TAFA5: variants seen among roughly 807,000 people sequenced by gnomAD.
The protein encoded by TAFA5 is chemokine-like protein TAFA-5.
Under a neutral mutation model 15.3 loss-of-function variants are expected in TAFA5, and 6 were observed. The ratio of observed to expected loss-of-function variants is 0.39; its 90% CI spans 0.21 to 0.77. The LOEUF is 0.77. Ranked by LOEUF, TAFA5 falls within the 30% of genes least tolerant of loss-of-function variation. The pLI is 0.41. For synonymous variants in TAFA5, 103 were observed against 80.7 expected, an observed-to-expected ratio of 1.28 and a Z score of -1.48; for missense variants, 161 against 193.1, an observed-to-expected ratio of 0.83 and a Z score of 0.98.
intron 1 of TAFA5, among the ~76,000 whole-genome samples, chr22:48,505,431 T>C (rs1239223003): frequency 6.6e-6 from 1 of 152,200 alleles, no homozygotes; most frequent in South Asian, 2.1e-4. Context: ...CAGAAGAAGA[T>C]ACAGAGGGTC....
At chr22:48,720,230 G>C (rs1326837210) in intron 3 of TAFA5, among the ~76,000 whole-genome samples, 1 of 152,072 alleles carries the variant, frequency 6.6e-6, no homozygotes, top group East Asian at 1.9e-4. Context: ...TGAGGATCAG[G>C]CTTAGGGTTT....
chr22:48,653,652 G>A (rs918487147), intron 2 of TAFA5, among the ~76,000 whole-genome samples: 4 of 152,200 alleles, frequency 2.6e-5, no homozygotes, highest in African/African-American at 7.2e-5. Flanking sequence ...CCAGATCTCG[G>A]TGCGTTTAAT....
chr22:48,678,742 G>A (rs1029132941), intron 2 of TAFA5, among the ~76,000 whole-genome samples: 5 of 147,404 alleles, frequency 3.4e-5, no homozygotes, highest in Non-Finnish European at 7.4e-5. Context: ...CTTCTAAAAA[G>A]AAAACGGAAA....
intron 3 of TAFA5, among the ~76,000 whole-genome samples, chr22:48,737,825 C>T (rs991824291): frequency 4.6e-5 from 7 of 152,266 alleles, no homozygotes; most frequent in Non-Finnish European, 8.8e-5. Context: ...CCAGGGAGGG[C>T]GGCTTCCACC....
intron 1 of TAFA5, among the ~76,000 whole-genome samples, chr22:48,507,656 G>A (rs535209040): frequency 7.2e-5 from 11 of 152,292 alleles, no homozygotes; most frequent in East Asian, 3.9e-4. Flanking sequence ...CAGGATGTGC[G>A]CTTGGCCTGC....
At chr22:48,621,611 G>T (rs967977267) in intron 1 of TAFA5, among the ~76,000 whole-genome samples, 2 of 152,216 alleles carry the variant, frequency 1.3e-5, no homozygotes, top group African/African-American at 4.8e-5. Context: ...GCAGGGAAGA[G>T]CAGCTCCACT....
chr22:48,748,873 C>T (rs754874992), intron 3 of TAFA5, among the ~76,000 whole-genome samples: 3 of 152,132 alleles, frequency 2.0e-5, no homozygotes, highest in Non-Finnish European at 4.4e-5. Flanking sequence ...CCTGGAGGTG[C>T]CCGCCCAGGA....
chr22:48,639,383 C>G (rs766624166), intron 1 of TAFA5, among the ~76,000 whole-genome samples: 33 of 152,364 alleles, frequency 2.2e-4, no homozygotes, highest in Admixed American at 1.2e-3. Context: ...CTGTGCCTGT[C>G]AAAGTCATTT....
chr22:48,532,316 C>G (rs141941404), intron 1 of TAFA5, among the ~76,000 whole-genome samples: 12 of 152,178 alleles, frequency 7.9e-5, no homozygotes, highest in Non-Finnish European at 1.8e-4. Flanking sequence ...TTATTTACTC[C>G]GCACCTTTTC....
chr22:48,511,914 C>T (rs917025109), intron 1 of TAFA5, among the ~76,000 whole-genome samples: 6 of 152,208 alleles, frequency 3.9e-5, no homozygotes, highest in African/African-American at 1.4e-4. Context: ...AGATGCGGAA[C>T]GGGGCTTGCT....
intron 2 of TAFA5, among the ~76,000 whole-genome samples, chr22:48,647,754 G>T (rs1332424141): frequency 2.0e-5 from 3 of 152,150 alleles, no homozygotes; most frequent in African/African-American, 7.2e-5. Flanking sequence ...AGGCAGCCTT[G>T]GGGTGAAGGA....
chr22:48,633,607 A>G (rs1055948283), intron 1 of TAFA5, among the ~76,000 whole-genome samples: 4 of 146,224 alleles, frequency 2.7e-5, no homozygotes, highest in African/African-American at 7.6e-5. Context: ...CTCTCTCTGC[A>G]TCTTTCTTGG....
chr22:48,689,851 G>A (rs1423955945), intron 2 of TAFA5, among the ~76,000 whole-genome samples: 4 of 152,188 alleles, frequency 2.6e-5, no homozygotes, highest in South Asian at 4.1e-4. Flanking sequence ...CCCGGTTGGT[G>A]TAAGTGTCTC....
At chr22:48,584,417 C>T (rs971716007) in intron 1 of TAFA5, among the ~76,000 whole-genome samples, 3 of 149,554 alleles carry the variant, frequency 2.0e-5, no homozygotes, top group African/African-American at 7.4e-5. Flanking sequence ...ATACACATGG[C>T]ACACAAAATA....
chr22:48,646,804 G>T, intron 2 of TAFA5, 58 bp downstream of exon 2: 1 of 1,514,170 alleles, frequency 6.6e-7, no homozygotes, highest in Non-Finnish European at 8.8e-7. Flanking sequence ...CACCAAAGGT[G>T]CCTCTTCCCT....
rs894035578 is a variant in TAFA5 at position 48,675,027 on chromosome 22, C to T, written c.262+28281C>T. ...CGCGATCTCGGCTCACTGCACCCTC[C>T]GCCTCCTGGGTTCAAGAGATTCTCC... On this transcript the variant is annotated intron_variant, in intron 2 of 3. Transcript: ENST00000402357. Among the ~76,000 whole-genome samples, 87 of 151,918 alleles carry T rather than the reference C, an allele frequency of 5.7e-4. 1 individual carries two copies. Among genetic ancestry groups the T allele is most frequent in the Admixed American group, 3.9e-4 (6 of 15,256 alleles).
intron 1 of TAFA5, among the ~76,000 whole-genome samples, chr22:48,625,255 A>T (rs550995296): frequency 6.6e-6 from 1 of 152,324 alleles, no homozygotes; most frequent in Non-Finnish European, 1.5e-5. Flanking sequence ...TGTATGACCC[A>T]CCAGTCTATT....
At position 48,560,574 on chromosome 22, in the gene TAFA5, TTATTATTATTATTATTA is replaced by T. The variant is rs1012667835; in HGVS notation, c.112+70885_112+70901del. ...CCATGAAAAACGTTGTATTTTATTATTATTATTATTATTATTATATTATTATTATTAATTATTTATTT... is the reference window on the plus strand; with the variant it reads ...CCATGAAAAACGTTGTATTTTATTATTATTATTATTATTAATTATTTATTT... On this transcript the variant is annotated intron_variant, in intron 1 of 3. Coordinates refer to ENST00000402357, the MANE Select transcript of TAFA5 (RefSeq NM_001082967.3). The surrounding 1 kb of genome is among the most constrained non-coding windows in gnomAD (Gnocchi z 4.2). Among the ~76,000 whole-genome samples the T allele has an allele frequency of 2.6e-5, 2 of 78,066 alleles. No individual in the cohort carries two copies. The highest frequency in any genetic ancestry group is 6.0e-5 in the Non-Finnish European group (2 of 33,262). The allele number at this position is 78,066 out of a possible 152,430, so 51.2% of individuals were successfully genotyped here. A position where few individuals can be genotyped will look rare whatever the true frequency, so the allele number is the denominator to read the frequency against.
At position 48,552,262 on chromosome 22, in the gene TAFA5, G is replaced by T. The variant is rs1922883029; in HGVS notation, c.112+62558G>T. On this transcript the variant is annotated intron_variant, in intron 1 of 3. Transcript: ENST00000402357. This position sits in a 1 kb window ranked among gnomAD's most constrained non-coding sequence, Gnocchi z 4.1. ...GGGCCAGCTGCCTTTGCTTGCTGGT[G>T]TCCTGGTGCCTGGCTGCTGTCACCC... Among the ~76,000 whole-genome samples the T allele has an allele frequency of 6.6e-6, 1 of 152,178 alleles. No homozygotes were observed. Among genetic ancestry groups the T allele is most frequent in the Admixed American group, 6.5e-5 (1 of 15,286 alleles).
Sources: allele counts gnomAD v4.1 joint callset (sites outside exome capture counted in the v4.1 genomes callset), GRCh38; gene constraint gnomAD v4.1.1; non-coding constraint Gnocchi (gnomAD v3.1); transcripts MANE v1.5; gene names NCBI Gene and HGNC (gene_info 2026-07-23, HGNC 2026-07-21).